DGKG: variants seen among roughly 807,000 people sequenced by gnomAD.
The protein encoded by DGKG is DAG kinase gamma.
A neutral mutation model predicts 105.3 loss-of-function variants in DGKG; 78 were observed. The observed-to-expected ratio is 0.74, with a 90% CI of 0.62 to 0.89. DGKG has a LOEUF of 0.89. DGKG is among the 40% of genes least tolerant of loss of function. The pLI, the probability that DGKG is intolerant of heterozygous loss-of-function variation, is 0.00. For synonymous variants in DGKG, 346 were observed against 367.1 expected, an observed-to-expected ratio of 0.94 and a Z score of 0.66; for missense variants, 958 against 1,020.1, an observed-to-expected ratio of 0.94 and a Z score of 0.83.
chr3:186,292,112 C>T (rs950514667), intron 5 of DGKG, among the ~76,000 whole-genome samples: 4 of 152,154 alleles, frequency 2.6e-5, no homozygotes, highest in Non-Finnish European at 4.4e-5. Flanking sequence ...ATGCCAACAC[C>T]CTCTTCCGGA....
chr3:186,271,817 A>C lies in DGKG; in HGVS notation c.999+438T>G. Reference sequence around the variant, plus strand: ...TACACATGAGGCTTCCTCTGCCTGGAGAGTCTGGTCCTCCTCGATGCCTCA... The same window carrying C: ...TACACATGAGGCTTCCTCTGCCTGGCGAGTCTGGTCCTCCTCGATGCCTCA... On this transcript the variant is annotated intron_variant, in intron 11 of 24. Transcript: ENST00000265022. 1.3e-5 allele frequency among the ~76,000 whole-genome samples: 2 copies of C among 152,112 alleles called. 1 individual carries two copies. Among genetic ancestry groups the C allele is most frequent in the Non-Finnish European group, 2.9e-5 (2 of 68,018 alleles).
chr3:186,302,628 C>CTATATT (rs1303145068), intron 3 of DGKG, among the ~76,000 whole-genome samples: 1 of 146,204 alleles, frequency 6.8e-6, no homozygotes, highest in Non-Finnish European at 1.5e-5. Flanking sequence ...ATACCTATAT[C>CTATATT]TATATCTATA....
chr3:186,238,278 A>G (rs949381236), intron 20 of DGKG, among the ~76,000 whole-genome samples: 1 of 139,632 alleles, frequency 7.2e-6, no homozygotes, highest in Non-Finnish European at 1.5e-5. Flanking sequence ...GCCAGGTGAC[A>G]GAATGACTCT....
intron 10 of DGKG, among the ~76,000 whole-genome samples, chr3:186,273,523 C>A (rs73056200): frequency 4.0e-5 from 6 of 151,738 alleles, no homozygotes; most frequent in African/African-American, 1.5e-4. Flanking sequence ...TACAAGCATG[C>A]GCCACCATGC....
chr3:186,213,269 T>C (rs1334006325), intron 20 of DGKG, among the ~76,000 whole-genome samples: 1 of 152,262 alleles, frequency 6.6e-6, no homozygotes, highest in African/African-American at 2.4e-5. Flanking sequence ...ACCCATGTGC[T>C]GTGGCACAGG....
At chr3:186,235,370 G>C (rs960295708) in intron 20 of DGKG, among the ~76,000 whole-genome samples, 1 of 152,200 alleles carries the variant, frequency 6.6e-6, no homozygotes, top group Non-Finnish European at 1.5e-5. Context: ...TGGACCTCTG[G>C]CTACCTACAG....
intron 1 of DGKG, among the ~76,000 whole-genome samples, chr3:186,343,343 T>C (rs1289053603): frequency 1.3e-5 from 2 of 152,158 alleles, no homozygotes; most frequent in South Asian, 2.1e-4. Flanking sequence ...CAGGCTGGAG[T>C]GCAGTAGCGC....
At chr3:186,202,677 T>C (rs1394841537) in intron 21 of DGKG, among the ~76,000 whole-genome samples, 1 of 152,206 alleles carries the variant, frequency 6.6e-6, no homozygotes, top group African/African-American at 2.4e-5. Context: ...AGACATATGC[T>C]TCCTGGGGCT....
Position 186,173,345 on chromosome 3 carries a change from G to T in DGKG, c.2096-8327C>A, listed in dbSNP as rs536089157. Among the ~76,000 whole-genome samples the T allele has an allele frequency of 9.2e-5, 14 of 152,356 alleles. No individual in the cohort carries two copies. The South Asian group carries it at 2.5e-3, about 27-fold the overall frequency. On this transcript the variant is annotated intron_variant, in intron 22 of 24. Transcript: ENST00000265022. Reference sequence around the variant, plus strand: ...AGAATATGAAAGTGATCTGTAAAAAGCCATGTCCCTTATCATTGTGCTACT... The same window carrying T: ...AGAATATGAAAGTGATCTGTAAAAATCCATGTCCCTTATCATTGTGCTACT...
At chr3:186,153,968 G>A (rs530304274) in intron 24 of DGKG, among the ~76,000 whole-genome samples, 47 of 152,286 alleles carry the variant, frequency 3.1e-4, no homozygotes, top group Middle Eastern at 3.4e-3. Context: ...AGCTAGACGT[G>A]GAGGCGCGCC....
chr3:186,265,005 G>A (rs1721974090), intron 14 of DGKG, among the ~76,000 whole-genome samples: 1 of 152,178 alleles, frequency 6.6e-6, no homozygotes, highest in African/African-American at 2.4e-5. Flanking sequence ...TCCTAAAATA[G>A]TAATAAAGCC....
intron 9 of DGKG, among the ~76,000 whole-genome samples, chr3:186,275,912 T>C (rs939209028): frequency 1.7e-4 from 26 of 152,188 alleles, no homozygotes; most frequent in African/African-American, 5.5e-4. Context: ...CTCTCCCGCA[T>C]GGCTGGCAGA....
chr3:186,188,459 TGTG>T, intron 21 of DGKG, 80 bp from the exon 22 acceptor site: 2 of 202,562 alleles, frequency 9.9e-6, no homozygotes, highest in Non-Finnish European at 1.8e-5. Context: ...TGTGCGTGCG[TGTG>T]TGTGTGTGTA....
chr3:186,299,765 TTCTC>T (rs376118983), intron 3 of DGKG, among the ~76,000 whole-genome samples: 1 of 133,682 alleles, frequency 7.5e-6, no homozygotes, highest in Non-Finnish European at 1.6e-5. Context: ...TTTTCTTCTT[TTCTC>T]TTTCTTTCTT....
At chr3:186,353,986 C>A (rs1419570412) in intron 1 of DGKG, among the ~76,000 whole-genome samples, 2 of 152,144 alleles carry the variant, frequency 1.3e-5, no homozygotes, top group African/African-American at 4.8e-5. Context: ...ATCATCCAGG[C>A]CTGCTGGACA....
chr3:186,293,559 T>C (rs137927840), intron 5 of DGKG, among the ~76,000 whole-genome samples: 2,463 of 152,296 alleles, frequency 0.016, 75 homozygotes, highest in African/African-American at 0.057. Context: ...TTTCCTGAGC[T>C]GACACTCTGA....
At chr3:186,234,413 C>T (rs569313331) in intron 20 of DGKG, among the ~76,000 whole-genome samples, 13 of 152,302 alleles carry the variant, frequency 8.5e-5, no homozygotes, top group South Asian at 8.3e-4. Flanking sequence ...ATAAGGTTAT[C>T]GTGCTAACCT....
At chr3:186,337,279 A>C (rs1375025366) in intron 1 of DGKG, among the ~76,000 whole-genome samples, 4 of 152,178 alleles carry the variant, frequency 2.6e-5, no homozygotes, top group African/African-American at 9.7e-5. Context: ...TATTTCAGTA[A>C]GGCAAGACTG....
At chr3:186,280,472 A>C (rs1488583178) in intron 8 of DGKG, among the ~76,000 whole-genome samples, 198 bp downstream of exon 8, 1 of 152,228 alleles carries the variant, frequency 6.6e-6, no homozygotes, top group African/African-American at 2.4e-5. Context: ...TATTTCAGTT[A>C]TGTCTGCACG....
Sources: allele counts gnomAD v4.1 joint callset (sites outside exome capture counted in the v4.1 genomes callset), GRCh38; gene constraint gnomAD v4.1.1; transcripts MANE v1.5; gene names NCBI Gene and HGNC (gene_info 2026-07-23, HGNC 2026-07-21).